Variants in CDK17 observed in about 807,000 individuals in gnomAD.
CDK17 encodes the protein cyclin-dependent kinase 17.
CDK17 carries 24 observed loss-of-function variants against 77.6 expected under a neutral mutation model. The ratio of observed to expected loss-of-function variants is 0.31; its 90% CI spans 0.22 to 0.44. The LOEUF (loss-of-function observed/expected upper bound fraction) is 0.44. CDK17 is among the 20% of genes least tolerant of loss of function. The probability of loss-of-function intolerance (pLI) is 1.00; values close to 1 mark genes in which losing one functional copy is unlikely to be tolerated. For synonymous variants in CDK17, 203 were observed against 210.4 expected (o/e 0.96, Z 0.30); for missense variants, 429 against 622.5 (o/e 0.69, Z 3.31).
At chr12:96,287,195 T>C (rs971344888) in intron 11 of CDK17, among the ~76,000 whole-genome samples, 1 of 152,128 alleles carries the variant, frequency 6.6e-6, no homozygotes, top group African/African-American at 2.4e-5. Context: ...TGAGTGAAGC[T>C]AGGCAGGAGA....
Position 96,323,935 on chromosome 12 carries a change from G to A in CDK17, c.283+13C>T, listed in dbSNP as rs1471362993. 3 of 1,561,278 alleles carry A rather than the reference G, an allele frequency of 1.9e-6. No individual in the cohort carries two copies. The highest frequency in any genetic ancestry group is 2.6e-6 in the Non-Finnish European group (3 of 1,152,704). ...TCAGAAAGGTAAACACAACAGACAAGTAATCAAATTACCTAATCTGCTTCC... is the reference window on the plus strand; with the variant it reads ...TCAGAAAGGTAAACACAACAGACAAATAATCAAATTACCTAATCTGCTTCC... On this transcript the variant is annotated intron_variant, in intron 3 of 16. Coordinates refer to ENST00000261211, the MANE Select transcript of CDK17 (RefSeq NM_002595.5).
At chr12:96,377,695 GTT>G (rs374797342) in intron 1 of CDK17, among the ~76,000 whole-genome samples, 16,880 of 123,424 alleles carry the variant, frequency 0.14, 982 homozygotes, top group South Asian at 0.3. Context: ...TTTTTTTTTC[GTT>G]TTTTTTTTTT....
chr12:96,385,009 A>AG (rs1285339616), intron 1 of CDK17, among the ~76,000 whole-genome samples: 66 of 142,484 alleles, frequency 4.6e-4, no homozygotes, highest in South Asian at 9.6e-4. Flanking sequence ...CCCTTTCTCA[A>AG]GGGAAAAAAA....
At chr12:96,352,508 G>A (rs1032225966) in intron 1 of CDK17, among the ~76,000 whole-genome samples, 1 of 152,162 alleles carries the variant, frequency 6.6e-6, no homozygotes, top group Non-Finnish European at 1.5e-5. Context: ...GGCTATAAAG[G>A]ATGGCGAGAT....
At chr12:96,297,747 T>C in intron 7 of CDK17, 26 bp from the exon 8 acceptor site, 1 of 1,243,948 alleles carries the variant, frequency 8.0e-7, no homozygotes, top group Non-Finnish European at 1.2e-6. Flanking sequence ...AGAAAATTGT[T>C]TAGTCTGTGG....
At chr12:96,370,597 CTAT>C (rs1489081268) in intron 1 of CDK17, among the ~76,000 whole-genome samples, 1 of 152,174 alleles carries the variant, frequency 6.6e-6, no homozygotes, top group African/African-American at 2.4e-5. Context: ...GAGGTAAAAA[CTAT>C]TTTTATAAAA....
chr12:96,314,997 T>A (rs986561573), intron 3 of CDK17, among the ~76,000 whole-genome samples: 1 of 152,194 alleles, frequency 6.6e-6, no homozygotes, highest in Non-Finnish European at 1.5e-5. Flanking sequence ...GGGATGGGAT[T>A]TAGCTTGTTC....
In CDK17 at chr12:96,316,715, A is replaced by C. The variant is rs551976609; in HGVS notation, c.284-3261T>G. 2.3e-3 allele frequency among the ~76,000 whole-genome samples: 288 copies of C among 125,708 alleles called. 18 individuals carry two copies. In the South Asian group the frequency reaches 0.027, roughly 12 times the overall value. 82.5% of individuals were successfully genotyped at this position (125,708 alleles called of 152,430 possible). On this transcript the variant is annotated intron_variant, in intron 3 of 16. Coordinates refer to ENST00000261211, the MANE Select transcript of CDK17 (RefSeq NM_002595.5). ...GGGGCACACTGACACCTCACACGGCAGGGTATTCCAACAGACCTGCAGCTG... is the reference window on the plus strand; with the variant it reads ...GGGGCACACTGACACCTCACACGGCCGGGTATTCCAACAGACCTGCAGCTG...
intron 1 of CDK17, among the ~76,000 whole-genome samples, chr12:96,365,551 T>C (rs1334266647): frequency 6.6e-6 from 1 of 152,206 alleles, no homozygotes; most frequent in African/African-American, 2.4e-5. Flanking sequence ...TTTTGTGAAA[T>C]TAAGCAATAT....
Position 96,279,329 on chromosome 12 carries a change from TGAAA to T in CDK17, c.*909_*912del, listed in dbSNP as rs1228322002. The T allele has an allele frequency of 5.9e-5, 9 of 152,262 alleles. 1 individual carries two copies. Among genetic ancestry groups the T allele is most frequent in the African/African-American group, 2.2e-4 (9 of 41,570 alleles). The allele number at this position is 152,262 out of a possible 1,614,324, so 9.4% of individuals were successfully genotyped here. A position where few individuals can be genotyped will look rare whatever the true frequency, so the allele number is the denominator to read the frequency against. On this transcript the variant is annotated 3_prime_UTR_variant, in exon 17 of 17. Transcript: ENST00000261211. ...GTTATTGAAACACATAGCCCCCAAA[TGAAA>T]GAAACTATTCCCCAATGAAATATCA...
chr12:96,286,222 T>A (rs895197771), intron 12 of CDK17, 74 bp from the exon 13 acceptor site: 1 of 339,152 alleles, frequency 2.9e-6, no homozygotes, highest in Non-Finnish European at 4.9e-6. Context: ...TATACACATA[T>A]ATATAACAAA....
At chr12:96,312,811 T>C (rs1363836713) in intron 4 of CDK17, among the ~76,000 whole-genome samples, 5 of 152,140 alleles carry the variant, frequency 3.3e-5, no homozygotes, top group Admixed American at 1.3e-4. Context: ...ATAAATGTGC[T>C]TCAGAGATCA....
chr12:96,316,818 A>G (rs1460114381), intron 3 of CDK17, among the ~76,000 whole-genome samples: 6 of 139,274 alleles, frequency 4.3e-5, no homozygotes, highest in Non-Finnish European at 7.8e-5. Flanking sequence ...CATCACCATC[A>G]TCAAAGACCA....
rs1285255025 is a variant in CDK17 at position 96,348,907 on chromosome 12, C to A, written c.-29-14042G>T. Among the ~76,000 whole-genome samples the A allele has an allele frequency of 2.0e-5, 3 of 152,242 alleles. No homozygotes were observed. In the East Asian group the frequency reaches 5.8e-4, roughly 29 times the overall value. On this transcript the variant is annotated intron_variant, in intron 1 of 16. Transcript: ENST00000261211. ...TTAAAGATGAATTAACAACCTATTC[C>A]TAAACAACTGAAGAGGGGGTAACAC... is the stretch of plus-strand genomic sequence containing the variant.
Position 96,311,099 on chromosome 12 carries a change from G to C in CDK17, c.496C>G (p.Pro166Ala), listed in dbSNP as rs761568376. The C allele has an allele frequency of 4.4e-6, 7 of 1,601,912 alleles. No individual in the cohort carries two copies. Among genetic ancestry groups the C allele is most frequent in the African/African-American group, 1.4e-5 (1 of 73,776 alleles). The change falls in exon 5 of 17, where the codon CCA becomes GCA. Residue 166 changes from proline to alanine, a missense_variant. Pro to Ala is a conservative substitution (Grantham distance 27, BLOSUM62 -1). Transcript: ENST00000261211. ...GYLEKLQINS[P>A]PFDQPMSRRS... ...CGACTCATTGGTTGGTCAAATGGTG[G>C]ACTGTTTATCTGCAACTTTTCAAGA...
chr12:96,328,916 T>C (rs1253732401), intron 2 of CDK17, among the ~76,000 whole-genome samples: 1 of 152,120 alleles, frequency 6.6e-6, no homozygotes, highest in Admixed American at 6.5e-5. Context: ...TAAAATACAA[T>C]AAAATATTCT....
chr12:96,363,633 G>T (rs993163179), intron 1 of CDK17, among the ~76,000 whole-genome samples: 5 of 152,028 alleles, frequency 3.3e-5, no homozygotes, highest in Middle Eastern at 3.2e-3. Context: ...AGATCATGAG[G>T]TCAGGAGATC....
chr12:96,313,186 A>C, intron 4 of CDK17, 135 bp downstream of exon 4: 1 of 529,982 alleles, frequency 1.9e-6, no homozygotes. Flanking sequence ...GAATGCAAAG[A>C]AGTAACTTTC....
At chr12:96,363,893 C>T (rs1265923657) in intron 1 of CDK17, among the ~76,000 whole-genome samples, 1 of 152,190 alleles carries the variant, frequency 6.6e-6, no homozygotes, top group Non-Finnish European at 1.5e-5. Flanking sequence ...CTTTACACAT[C>T]TCAAAATGCT....
Sources: gnomAD v4.1 joint callset for allele counts (sites outside exome capture counted in the v4.1 genomes callset) on GRCh38, gnomAD v4.1.1 for gene constraint, MANE v1.5 for transcripts, NCBI Gene and HGNC (gene_info 2026-07-23, HGNC 2026-07-21) for gene names.